The following ADAMTS20 variants were observed in gnomAD, a reference collection of about 807,000 sequenced individuals.
The protein encoded by ADAMTS20 is ADAM metallopeptidase with thrombospondin type 1 motif 20.
In ADAMTS20, 225 loss-of-function variants were observed where a neutral mutation model predicts 260.1. The observed-to-expected ratio is 0.87, with a 90% CI of 0.78 to 0.97. The LOEUF (loss-of-function observed/expected upper bound fraction) is 0.97. Ranked by LOEUF, ADAMTS20 falls within the 50% of genes least tolerant of loss-of-function variation. The pLI is 0.00. For synonymous variants in ADAMTS20, 802 were observed against 769.5 expected, an observed-to-expected ratio of 1.04 and a Z score of -0.70; for missense variants, 2,400 against 2,337.7, an observed-to-expected ratio of 1.03 and a Z score of -0.55.
At chr12:43,376,925 A>C (rs1940243367) in intron 32 of ADAMTS20, among the ~76,000 whole-genome samples, 1 of 152,244 alleles carries the variant, frequency 6.6e-6, no homozygotes, top group African/African-American at 2.4e-5. Flanking sequence ...TACTTAATAA[A>C]CATTAGTCAG....
chr12:43,448,435 C>T (rs1346361940), intron 14 of ADAMTS20, among the ~76,000 whole-genome samples: 3 of 152,152 alleles, frequency 2.0e-5, no homozygotes, highest in African/African-American at 7.2e-5. Context: ...AATGGCTAAC[C>T]ATATGCAGAA....
intron 14 of ADAMTS20, among the ~76,000 whole-genome samples, chr12:43,450,326 G>C (rs1439957988): frequency 6.6e-6 from 1 of 152,132 alleles, no homozygotes; most frequent in African/African-American, 2.4e-5. Flanking sequence ...TCTAAATTTA[G>C]TGATCAGCAA....
chr12:43,535,182 T>A (rs1311877608), intron 2 of ADAMTS20, among the ~76,000 whole-genome samples: 2 of 152,162 alleles, frequency 1.3e-5, no homozygotes, highest in African/African-American at 4.8e-5. Flanking sequence ...TCTTCCCCAC[T>A]AGACAGAAGT....
Position 43,354,038 on chromosome 12 carries a change from A to G in ADAMTS20, c.*171T>C, listed in dbSNP as rs1451370259. Reference sequence around the variant, plus strand: ...TTAAGATAGCTCTTAAATTTCTTTTATAGACCTTATTAAGCAGTGATTTGA... The same window carrying G: ...TTAAGATAGCTCTTAAATTTCTTTTGTAGACCTTATTAAGCAGTGATTTGA... On this transcript the variant is annotated 3_prime_UTR_variant, in exon 39 of 39. Coordinates refer to ENST00000389420, the MANE Select transcript of ADAMTS20 (RefSeq NM_025003.5). The G allele has an allele frequency of 2.3e-6, 1 of 440,458 alleles. No individual in the cohort carries two copies. Among genetic ancestry groups the G allele is most frequent in the African/African-American group, 2.0e-5 (1 of 49,580 alleles). 27.3% of individuals were successfully genotyped at this position (440,458 alleles called of 1,614,324 possible).
chr12:43,397,492 C>T (rs539430711), intron 29 of ADAMTS20, among the ~76,000 whole-genome samples: 120 of 152,082 alleles, frequency 7.9e-4, no homozygotes, highest in South Asian at 4.8e-3. Context: ...TAAACTAGAC[C>T]GGGGTGTGTG....
In ADAMTS20 at chr12:43,490,471, A is replaced by G. The variant is rs1942584129; in HGVS notation, c.1077-36T>C. 4 of 1,189,828 alleles carry G rather than the reference A, an allele frequency of 3.4e-6. No homozygotes were observed. The East Asian group carries it at 1.2e-4, about 35-fold the overall frequency. The allele number at this position is 1,189,828 out of a possible 1,614,324, so 73.7% of individuals were successfully genotyped here. A position where few individuals can be genotyped will look rare whatever the true frequency, so the allele number is the denominator to read the frequency against. ...AAGATTTATTTTGAAGCATTTTTGG[A>G]AAATATTTTTGCAACAAGCCAAAAT... On this transcript the variant is annotated intron_variant, in intron 6 of 38. Transcript: ENST00000389420.
chr12:43,504,873 T>A (rs1942819286), intron 3 of ADAMTS20, among the ~76,000 whole-genome samples: 2 of 152,128 alleles, frequency 1.3e-5, no homozygotes, highest in African/African-American at 4.8e-5. Flanking sequence ...CAAAGAGCAA[T>A]AATACCTACT....
chr12:43,490,819 G>T (rs1369317449), intron 6 of ADAMTS20, among the ~76,000 whole-genome samples: 1 of 152,058 alleles, frequency 6.6e-6, no homozygotes, highest in Non-Finnish European at 1.5e-5. Flanking sequence ...ATGTTACGAA[G>T]TTGATAAATT....
chr12:43,404,178 G>GACACAC (rs3031172), intron 28 of ADAMTS20, among the ~76,000 whole-genome samples: 12,129 of 145,868 alleles, frequency 0.083, 566 homozygotes, highest in Admixed American at 0.16. Context: ...ATATTGTGGG[G>GACACAC]ACACACACAC....
chr12:43,421,001 G>T (rs7302257), intron 28 of ADAMTS20, among the ~76,000 whole-genome samples: 6 of 150,326 alleles, frequency 4.0e-5, no homozygotes, highest in Non-Finnish European at 8.9e-5. Context: ...AGAGACGGGG[G>T]TTTCACCATG....
intron 3 of ADAMTS20, among the ~76,000 whole-genome samples, chr12:43,523,904 A>G (rs1244088897): frequency 6.6e-6 from 1 of 150,530 alleles, no homozygotes; most frequent in Non-Finnish European, 1.5e-5. Context: ...CACAAAGGAC[A>G]GACACTTTGG....
chr12:43,378,790 A>G lies in ADAMTS20; in HGVS notation c.4798-1228T>C, dbSNP rs113331760. Reference sequence around the variant, plus strand: ...AGAGGGGTGACATCTGTGAAAATGGAAGAGTAAGGACATCTAAAAATTCTC... The same window carrying G: ...AGAGGGGTGACATCTGTGAAAATGGGAGAGTAAGGACATCTAAAAATTCTC... On this transcript the variant is annotated intron_variant, in intron 31 of 38. Coordinates refer to ENST00000389420, the MANE Select transcript of ADAMTS20 (RefSeq NM_025003.5). Among the ~76,000 whole-genome samples, 674 of 152,328 alleles carry G rather than the reference A, an allele frequency of 4.4e-3. 4 individuals are homozygous for G. The highest frequency in any genetic ancestry group is 0.015 in the African/African-American group (635 of 41,576).
intron 18 of ADAMTS20, 98 bp from the exon 19 acceptor site, chr12:43,434,469 T>A (rs530040146): frequency 3.4e-4 from 435 of 1,289,418 alleles, no homozygotes; most frequent in Non-Finnish European, 3.8e-4. Flanking sequence ...AGGAGCCAGC[T>A]AAGCAAGTAA....
Position 43,377,354 on chromosome 12 carries a change from T to C in ADAMTS20, c.4995+11A>G. On this transcript the variant is annotated intron_variant, in intron 32 of 38. Transcript: ENST00000389420. ...ATTCAGAAGTTTTAAAATTCATAATTGTACACCGACCTTGCTCCATTTTCC... is the reference window on the plus strand; with the variant it reads ...ATTCAGAAGTTTTAAAATTCATAATCGTACACCGACCTTGCTCCATTTTCC... 6.2e-7 allele frequency: 1 copy of C among 1,600,848 alleles called. No individual in the cohort carries two copies.
rs1940200921 is a variant in ADAMTS20 at position 43,375,370 on chromosome 12, A to C, written c.5446+9T>G. On this transcript the variant is annotated intron_variant, in intron 36 of 38. Coordinates refer to ENST00000389420, the MANE Select transcript of ADAMTS20 (RefSeq NM_025003.5). ...CTTTTTGATTTTAAAATATAGATTG[A>C]GCACTTACTTTTAATTTGCATGGAA... 1.2e-6 allele frequency: 2 copies of C among 1,610,520 alleles called. No individual in the cohort carries two copies. Among genetic ancestry groups the C allele is most frequent in the African/African-American group, 1.3e-5 (1 of 74,596 alleles).
At chr12:43,492,286 A>C (rs1428925211) in intron 6 of ADAMTS20, among the ~76,000 whole-genome samples, 1 of 151,940 alleles carries the variant, frequency 6.6e-6, no homozygotes, top group African/African-American at 2.4e-5. Flanking sequence ...AGGCTGAGGC[A>C]GGAGAATGGC....
At chr12:43,482,820 G>T (rs1386015359) in intron 7 of ADAMTS20, among the ~76,000 whole-genome samples, 1 of 152,178 alleles carries the variant, frequency 6.6e-6, no homozygotes, top group Non-Finnish European at 1.5e-5. Context: ...CACCATAACT[G>T]CTGTACTTTT....
In ADAMTS20 at chr12:43,439,804, ACAT is replaced by A. The variant is rs768195623; in HGVS notation, c.2464-56_2464-54del. On this transcript the variant is annotated intron_variant, in intron 17 of 38. Coordinates refer to ENST00000389420, the MANE Select transcript of ADAMTS20 (RefSeq NM_025003.5). ...ATTAATACATAAAAATATATTCTTGACATCATTTTATATTTGATAATGTTAAGC... is the reference window on the plus strand; with the variant it reads ...ATTAATACATAAAAATATATTCTTGACATTTTATATTTGATAATGTTAAGC... 7 of 1,557,626 alleles carry A rather than the reference ACAT, an allele frequency of 4.5e-6. No homozygotes were observed. In the Admixed American group the frequency reaches 7.4e-5, roughly 16 times the overall value.
At chr12:43,517,918 T>A (rs1008474277) in intron 3 of ADAMTS20, among the ~76,000 whole-genome samples, 5 of 152,124 alleles carry the variant, frequency 3.3e-5, no homozygotes, top group Non-Finnish European at 7.4e-5. Context: ...TAAAATTCCT[T>A]TGAAATATCT....
Sources: allele counts gnomAD v4.1 joint callset (sites outside exome capture counted in the v4.1 genomes callset), GRCh38; gene constraint gnomAD v4.1.1; transcripts MANE v1.5; gene names NCBI Gene and HGNC (gene_info 2026-07-23, HGNC 2026-07-21).